Variants in TCF4 observed in about 807,000 individuals in gnomAD.
The protein encoded by TCF4 is transcription factor 4.
A neutral mutation model predicts 82.1 loss-of-function variants in TCF4; 3 were observed. That is an observed-to-expected ratio of 0.04 (90% CI 0.02 to 0.09). The LOEUF (loss-of-function observed/expected upper bound fraction) is 0.09. Ranked by LOEUF, TCF4 falls within the 10% of genes least tolerant of loss-of-function variation. The pLI, the probability that TCF4 is intolerant of heterozygous loss-of-function variation, is 1.00. For synonymous variants in TCF4, 276 were observed against 309.6 expected (o/e 0.89, Z 1.14); for missense variants, 518 against 852.7 (o/e 0.61, Z 4.89).
chr18:55,307,934 C>T (rs890686114), intron 8 of TCF4, among the ~76,000 whole-genome samples: 1 of 152,202 alleles, frequency 6.6e-6, no homozygotes, highest in African/African-American at 2.4e-5. Flanking sequence ...AATCTCATTC[C>T]CAGTGCTTAA....
At chr18:55,540,101 G>T (rs931683622) in intron 3 of TCF4, among the ~76,000 whole-genome samples, 3 of 151,624 alleles carry the variant, frequency 2.0e-5, no homozygotes, top group African/African-American at 7.3e-5. Context: ...TATAGAATGA[G>T]AATTGTCCAA....
At chr18:55,564,806 C>T (rs747260987) in intron 3 of TCF4, among the ~76,000 whole-genome samples, 2 of 152,074 alleles carry the variant, frequency 1.3e-5, no homozygotes, top group Non-Finnish European at 2.9e-5. Flanking sequence ...GTACTGGATG[C>T]CTACTATGTG....
intron 15 of TCF4, among the ~76,000 whole-genome samples, chr18:55,235,139 AT>A (rs368049891): frequency 0.035 from 5,214 of 147,754 alleles, 111 homozygotes; most frequent in Non-Finnish European, 0.048. Flanking sequence ...CAGGCCTGCC[AT>A]TTTTTTTTTT....
At chr18:55,508,151 C>T (rs903134122) in intron 3 of TCF4, among the ~76,000 whole-genome samples, 8 of 152,080 alleles carry the variant, frequency 5.3e-5, no homozygotes, top group Non-Finnish European at 8.8e-5. Flanking sequence ...CTCCCACCCC[C>T]CACCAACAAA....
At chr18:55,556,429 A>G (rs1042592073) in intron 3 of TCF4, among the ~76,000 whole-genome samples, 1 of 152,262 alleles carries the variant, frequency 6.6e-6, no homozygotes, top group African/African-American at 2.4e-5. Flanking sequence ...TAAATTCACA[A>G]TAGTAGATAT....
chr18:55,328,221 A>G (rs2076910796), intron 8 of TCF4, among the ~76,000 whole-genome samples: 1 of 152,130 alleles, frequency 6.6e-6, no homozygotes, highest in Non-Finnish European at 1.5e-5. Context: ...TAAATTTACT[A>G]CTAAATCTCT....
chr18:55,512,992 T>C (rs2096843769), intron 3 of TCF4, among the ~76,000 whole-genome samples: 1 of 152,146 alleles, frequency 6.6e-6, no homozygotes. Context: ...AGTGAATAAC[T>C]GGTAACAAAC....
intron 5 of TCF4, among the ~76,000 whole-genome samples, chr18:55,429,041 A>AT (rs1225897376): frequency 6.6e-6 from 1 of 152,250 alleles, no homozygotes; most frequent in Non-Finnish European, 1.5e-5. Flanking sequence ...GAGCATATTA[A>AT]ATATATTTTG....
intron 3 of TCF4, among the ~76,000 whole-genome samples, chr18:55,540,134 T>TA (rs2097153219): frequency 6.6e-6 from 1 of 151,800 alleles, no homozygotes; most frequent in African/African-American, 2.4e-5. Context: ...GGAGTTTCAT[T>TA]AAAAAAACAG....
upstream of TCF4, chr18:55,589,944 C>T (rs963982657): frequency 2.2e-5 from 13 of 597,548 alleles, no homozygotes; most frequent in African/African-American, 6.0e-5. Flanking sequence ...ACCACGCCTC[C>T]TCCGGGAGCG....
intron 17 of TCF4, chr18:55,230,064 G>C (rs2047446493): frequency 7.0e-6 from 1 of 143,822 alleles, no homozygotes. Context: ...AGGCTCACTT[G>C]AATCTAGGAG....
intron 8 of TCF4, among the ~76,000 whole-genome samples, chr18:55,287,969 A>C (rs1179107398): frequency 6.6e-6 from 1 of 152,228 alleles, no homozygotes; most frequent in Non-Finnish European, 1.5e-5. Context: ...CTTCAATTAA[A>C]ACAAAGGAAC....
intron 8 of TCF4, among the ~76,000 whole-genome samples, chr18:55,312,683 G>A (rs1361952383): frequency 1.3e-5 from 2 of 152,108 alleles, no homozygotes; most frequent in Non-Finnish European, 2.9e-5. Flanking sequence ...GCTATTACAG[G>A]AATCCTTTAA....
At chr18:55,409,621 T>C (rs1360085385) in intron 5 of TCF4, among the ~76,000 whole-genome samples, 1 of 152,218 alleles carries the variant, frequency 6.6e-6, no homozygotes, top group Non-Finnish European at 1.5e-5. Flanking sequence ...TACTATTATT[T>C]ACAACTTAAC....
At chr18:55,576,208 C>A (rs977558880) in intron 3 of TCF4, among the ~76,000 whole-genome samples, 6 of 152,052 alleles carry the variant, frequency 3.9e-5, no homozygotes, top group African/African-American at 9.7e-5. Flanking sequence ...GCAAAAGAAC[C>A]TAGATTTCCA....
intron 8 of TCF4, among the ~76,000 whole-genome samples, chr18:55,297,535 G>T (rs1435098479): frequency 2.6e-5 from 4 of 152,012 alleles, no homozygotes; most frequent in Non-Finnish European, 5.9e-5. Flanking sequence ...AGAGGGTCTG[G>T]GTATTAAGAG....
At chr18:55,479,357 C>A (rs1012390413) in intron 3 of TCF4, 1 of 154,212 alleles carries the variant, frequency 6.5e-6, no homozygotes, top group Non-Finnish European at 1.5e-5. Flanking sequence ...TTATCAAATA[C>A]CCAATACCTC....
intron 11 of TCF4, among the ~76,000 whole-genome samples, chr18:55,262,700 A>G (rs2058303638): frequency 6.6e-6 from 1 of 152,208 alleles, no homozygotes; most frequent in African/African-American, 2.4e-5. Context: ...TCAGTGGTCC[A>G]ATTCTATGGC....
At chr18:55,521,396 T>C (rs1327262988) in intron 3 of TCF4, among the ~76,000 whole-genome samples, 1 of 152,188 alleles carries the variant, frequency 6.6e-6, no homozygotes, top group Non-Finnish European at 1.5e-5. Context: ...GCAATGACCT[T>C]CAATAGAGAT....
Sources: allele counts gnomAD v4.1 joint callset (sites outside exome capture counted in the v4.1 genomes callset), GRCh38; gene constraint gnomAD v4.1.1; transcripts MANE v1.5; gene names NCBI Gene and HGNC (gene_info 2026-07-23, HGNC 2026-07-21).